The following FRYL variants were observed in gnomAD, a reference collection of about 807,000 sequenced individuals.
FRYL encodes protein furry homolog-like.
Under a neutral mutation model 351.2 loss-of-function variants are expected in FRYL, and 150 were observed. The ratio of observed to expected loss-of-function variants is 0.43; its 90% CI spans 0.37 to 0.49. The LOEUF (loss-of-function observed/expected upper bound fraction) is 0.49, where lower values mean the gene tolerates loss of function less well. FRYL is among the 20% of genes least tolerant of loss of function. The pLI is 0.00. For synonymous variants in FRYL, 1,153 were observed against 1,257.1 expected (o/e 0.92, Z 1.75); for missense variants, 3,036 against 3,619.3 (o/e 0.84, Z 4.13).
Position 48,561,642 on chromosome 4 carries a change from G to A in FRYL, c.3697-6C>T. On this transcript the variant is annotated splice_region_variant and splice_polypyrimidine_tract_variant and intron_variant, in intron 32 of 63. Coordinates refer to ENST00000358350, the MANE Select transcript of FRYL (RefSeq NM_015030.2). ...AACATCTTCGGTTCCAGAATCTATA[G>A]GAATGTGATTCCATCAACTTAGGTT... The A allele has an allele frequency of 6.3e-7, 1 of 1,597,598 alleles. No individual in the cohort carries two copies. The highest frequency in any genetic ancestry group is 1.1e-5 in the South Asian group (1 of 87,838).
Position 48,665,414 on chromosome 4 carries a change from G to A in FRYL, c.-81+19259C>T, listed in dbSNP as rs1761532234. ...ATCATTCTCAAGCTCCTTTGAAATA[G>A]AGATAGAAATATTTAATTACTTGAA... On this transcript the variant is annotated intron_variant, in intron 3 of 63. Coordinates refer to ENST00000358350, the MANE Select transcript of FRYL (RefSeq NM_015030.2). Among the ~76,000 whole-genome samples, 2 of 152,148 alleles carry A rather than the reference G, an allele frequency of 1.3e-5. 1 individual carries two copies. The highest frequency in any genetic ancestry group is 1.3e-4 in the Admixed American group (2 of 15,284).
At chr4:48,769,912 A>G (rs1279341890) in intron 1 of FRYL, among the ~76,000 whole-genome samples, 1 of 152,120 alleles carries the variant, frequency 6.6e-6, no homozygotes, top group African/African-American at 2.4e-5. Context: ...TAAATACGGA[A>G]AAGGAGGTAG....
intron 1 of FRYL, among the ~76,000 whole-genome samples, chr4:48,764,788 T>C (rs551425225): frequency 1.8e-4 from 28 of 152,328 alleles, no homozygotes; most frequent in African/African-American, 5.8e-4. Flanking sequence ...AAGCAATTTA[T>C]AGATTTGGGG....
Position 48,573,192 on chromosome 4 carries a change from C to T in FRYL, c.2898G>A (p.Arg966=). Reference sequence around the variant, plus strand: ...GCTGCAGAACACAGCTCACCTCTGGCCTTCTTTCGAGTGCTTCTTTAATTA... The same window carrying T: ...GCTGCAGAACACAGCTCACCTCTGGTCTTCTTTCGAGTGCTTCTTTAATTA... ...HPIIKEALER[R]PENMKRRRRR... The change falls in exon 26 of 64, where the codon AGG becomes AGA. Residue 966 remains arginine (R), a synonymous_variant. Coordinates refer to ENST00000358350, the MANE Select transcript of FRYL (RefSeq NM_015030.2). 1.2e-6 allele frequency: 2 copies of T among 1,611,740 alleles called. No homozygotes were observed. Among genetic ancestry groups the T allele is most frequent in the Non-Finnish European group, 1.7e-6 (2 of 1,177,944 alleles).
At chr4:48,636,536 T>G (rs1344604529) in intron 3 of FRYL, among the ~76,000 whole-genome samples, 2 of 151,996 alleles carry the variant, frequency 1.3e-5, no homozygotes, top group Non-Finnish European at 2.9e-5. Context: ...AAAACTTTAC[T>G]TAAAATGACT....
chr4:48,691,022 G>A (rs901008414), intron 2 of FRYL, among the ~76,000 whole-genome samples: 10 of 152,168 alleles, frequency 6.6e-5, no homozygotes, highest in African/African-American at 2.4e-4. Context: ...CAAGCTTAGA[G>A]AAGCCTGACT....
At chr4:48,720,558 T>C (rs901420068) in intron 1 of FRYL, among the ~76,000 whole-genome samples, 2 of 152,008 alleles carry the variant, frequency 1.3e-5, no homozygotes, top group African/African-American at 2.4e-5. Flanking sequence ...ATTAAATACA[T>C]TCACACTGTT....
chr4:48,620,537 T>C (rs1160046547), intron 6 of FRYL, 102 bp downstream of exon 6: 3 of 1,191,094 alleles, frequency 2.5e-6, no homozygotes, highest in East Asian at 4.8e-5. Flanking sequence ...ATCAACGCAG[T>C]TTGCTTAGGA....
intron 57 of FRYL, 26 bp from the exon 58 acceptor site, chr4:48,511,010 T>A (rs1722354936): frequency 6.3e-7 from 1 of 1,577,052 alleles, no homozygotes; most frequent in Non-Finnish European, 8.6e-7. Context: ...GAAGAAAGAG[T>A]TTAGTGTTTC....
chr4:48,656,376 A>T (rs1192486489), intron 3 of FRYL, among the ~76,000 whole-genome samples: 2 of 132,378 alleles, frequency 1.5e-5, no homozygotes, highest in African/African-American at 2.8e-5. Context: ...AATATATACT[A>T]AATATATAAT....
At chr4:48,725,800 A>G (rs1321375413) in intron 1 of FRYL, among the ~76,000 whole-genome samples, 9 of 152,272 alleles carry the variant, frequency 5.9e-5, no homozygotes, top group African/African-American at 2.2e-4. Context: ...TAATTGTTCT[A>G]TCTTATTAAC....
chr4:48,688,485 T>A (rs1031267417), intron 2 of FRYL, among the ~76,000 whole-genome samples: 2 of 152,224 alleles, frequency 1.3e-5, no homozygotes, highest in East Asian at 1.9e-4. Flanking sequence ...AAAATCATTT[T>A]AAAAAAATAT....
intron 7 of FRYL, among the ~76,000 whole-genome samples, chr4:48,611,827 A>C (rs1359334208): frequency 2.6e-5 from 4 of 152,148 alleles, no homozygotes; most frequent in African/African-American, 9.7e-5. Context: ...ACTAATCATA[A>C]GGAGAATGAA....
At position 48,764,269 on chromosome 4, in the gene FRYL, C is replaced by G. The variant is rs111226175; in HGVS notation, c.-384+15809G>C. On this transcript the variant is annotated intron_variant, in intron 1 of 63. Coordinates refer to ENST00000358350, the MANE Select transcript of FRYL (RefSeq NM_015030.2). ...TGAAGCCAGGCACCGTGGCTCACACCTGTAATTCAAGGACTTTAGGAGGTC... is the reference window on the plus strand; with the variant it reads ...TGAAGCCAGGCACCGTGGCTCACACGTGTAATTCAAGGACTTTAGGAGGTC... Among the ~76,000 whole-genome samples, 691 of 152,208 alleles carry G rather than the reference C, an allele frequency of 4.5e-3. 5 individuals are homozygous for G. Among genetic ancestry groups the G allele is most frequent in the African/African-American group, 0.015 (642 of 41,546 alleles).
At position 48,547,641 on chromosome 4, in the gene FRYL, T is replaced by A. The variant is rs1368908613; in HGVS notation, c.5017A>T (p.Asn1673Tyr). 1 of 1,607,066 alleles carries A rather than the reference T, an allele frequency of 6.2e-7. No individual in the cohort carries two copies. The highest frequency in any genetic ancestry group is 1.1e-5 in the South Asian group (1 of 90,114). ...ASVLLRNKEF[N>Y]EPRVLTVKQV... ...TTGACTGTAAGCACCCTGGGCTCATTAAACTCCTTGTTCCTGAGAAGGACA... is the reference window on the plus strand; with the variant it reads ...TTGACTGTAAGCACCCTGGGCTCATAAAACTCCTTGTTCCTGAGAAGGACA... Residue 1673 changes from asparagine (N) to tyrosine (Y), a missense_variant, in exon 41 of 64, where the codon AAT becomes TAT. Asn to Tyr is a moderately radical substitution (Grantham distance 143, BLOSUM62 -2). Around this residue, in one of 7 missense-constraint regions of FRYL, gnomAD observed 1,987 missense variants for 2,311.7 expected, o/e 0.86. Transcript: ENST00000358350.
At chr4:48,772,227 T>C (rs2109419537) in intron 1 of FRYL, among the ~76,000 whole-genome samples, 1 of 152,336 alleles carries the variant, frequency 6.6e-6, no homozygotes, top group South Asian at 2.1e-4. Context: ...TTTACACTTC[T>C]ACAGGCTAGC....
At chr4:48,692,734 T>G (rs1182449089) in intron 2 of FRYL, among the ~76,000 whole-genome samples, 1 of 152,248 alleles carries the variant, frequency 6.6e-6, no homozygotes, top group East Asian at 1.9e-4. Context: ...AAATATTGCT[T>G]ATTTATTATT....
At chr4:48,772,496 G>C (rs1775613502) in intron 1 of FRYL, among the ~76,000 whole-genome samples, 1 of 152,024 alleles carries the variant, frequency 6.6e-6, no homozygotes, top group Non-Finnish European at 1.5e-5. Context: ...AGTTACACAG[G>C]AATGTACATT....
At chr4:48,659,918 GAGAAGAAGAAGAAGAAGA>G (rs1249228163) in intron 3 of FRYL, among the ~76,000 whole-genome samples, 1 of 786 alleles carries the variant, frequency 1.3e-3, no homozygotes, top group African/African-American at 2.1e-3. Context: ...GAAGGAGAAG[GAGAAGAAGAAGAAGAAGA>G]AGAAGAAGAA....
Sources: allele counts gnomAD v4.1 joint callset (sites outside exome capture counted in the v4.1 genomes callset), GRCh38; gene constraint gnomAD v4.1.1; regional missense constraint gnomAD v4.1.1; transcripts MANE v1.5; gene names NCBI Gene and HGNC (gene_info 2026-07-23, HGNC 2026-07-21).